The following ZNF507 variants were observed in gnomAD, a reference collection of about 807,000 sequenced individuals.
The protein encoded by ZNF507 is zinc finger protein 507.
In ZNF507, 29 loss-of-function variants were observed where a neutral mutation model predicts 80.0. The ratio of observed to expected loss-of-function variants is 0.36; its 90% CI spans 0.27 to 0.49. ZNF507 has a LOEUF of 0.49. Among genes scored for constraint, ZNF507 ranks in the 20% least tolerant of loss-of-function variants. The pLI, the probability that ZNF507 is intolerant of heterozygous loss-of-function variation, is 0.98. For synonymous variants in ZNF507, 462 were observed against 422.5 expected, an observed-to-expected ratio of 1.09 and a Z score of -1.15; for missense variants, 1,081 against 1,152.2, an observed-to-expected ratio of 0.94 and a Z score of 0.90.
At position 32,364,055 on chromosome 19, in the gene ZNF507, G is replaced by T. The variant is rs528170195; in HGVS notation, c.2360+3437G>T. ...CGCTCATAAGGCTTTGTGAAGATTA[G>T]GTGAGATTATATTTATGAAGTACCC... On this transcript the variant is annotated intron_variant, in intron 5 of 6. Transcript: ENST00000355898. Among the ~76,000 whole-genome samples the T allele has an allele frequency of 9.2e-5, 14 of 152,304 alleles. No homozygotes were observed. In the South Asian group the frequency reaches 2.3e-3, roughly 25 times the overall value.
At position 32,353,349 on chromosome 19, in the gene ZNF507, C is replaced by T. The variant is rs148132440; in HGVS notation, c.519C>T (p.His173=). The change falls in exon 3 of 7, where the codon CAC becomes CAT. Residue 173 remains histidine (H), a synonymous_variant. Coordinates refer to ENST00000355898, the MANE Select transcript of ZNF507 (RefSeq NM_001136156.2). ...TSRSQEELEA[H]VVNDHDNDAN... ...GAAGCCAGGAGGAACTTGAAGCCCACGTGGTGAATGACCATGACAATGATG... is the reference window on the plus strand; with the variant it reads ...GAAGCCAGGAGGAACTTGAAGCCCATGTGGTGAATGACCATGACAATGATG... The T allele has an allele frequency of 8.2e-5, 133 of 1,614,198 alleles. No individual in the cohort carries two copies. Among genetic ancestry groups the T allele is most frequent in the Admixed American group, 1.7e-4 (10 of 60,026 alleles).
In ZNF507 at chr19:32,352,990, A is replaced by T; in HGVS notation, c.160A>T (p.Ile54Leu). Reference protein sequence around the residue: ...LIHVIQKLSKIVENEKSQKCL... With the variant: ...LIHVIQKLSKLVENEKSQKCL... ...CCATGTTATCCAGAAGTTAAGCAAG[A>T]TAGTGGAAAATGAAAAGTCACAAAA... Residue 54 changes from isoleucine to leucine, a missense_variant, in exon 3 of 7, where the codon ATA (isoleucine) becomes TTA (leucine). By Grantham distance (5) the Ile-to-Leu change is conservative. Coordinates refer to ENST00000355898, the MANE Select transcript of ZNF507 (RefSeq NM_001136156.2). The T allele has an allele frequency of 6.2e-7, 1 of 1,614,096 alleles. No individual in the cohort carries two copies. The highest frequency in any genetic ancestry group is 1.1e-5 in the South Asian group (1 of 91,042).
chr19:32,360,656 A>G, intron 5 of ZNF507, 38 bp downstream of exon 5: 1 of 1,145,868 alleles, frequency 8.7e-7, no homozygotes, highest in Non-Finnish European at 1.2e-6. Context: ...TGTTTGTATT[A>G]AAATATTTTA....
chr19:32,359,702 C>G (rs904304877), intron 4 of ZNF507: 1 of 152,196 alleles, frequency 6.6e-6, no homozygotes, highest in Non-Finnish European at 1.5e-5. Context: ...ATGTCTCCTG[C>G]GTTTCGGAGA....
chr19:32,384,796 TTTAA>T lies in ZNF507; in HGVS notation c.*1716_*1719del, dbSNP rs992025617. On this transcript the variant is annotated 3_prime_UTR_variant, in exon 7 of 7. Coordinates refer to ENST00000355898, the MANE Select transcript of ZNF507 (RefSeq NM_001136156.2). Reference sequence around the variant, plus strand: ...TTTGCAGCTTTTTTATTTAGGTAGCTTTAATTTATTTATGAAAGTTAATCCATTT... The same window carrying T: ...TTTGCAGCTTTTTTATTTAGGTAGCTTTTATTTATGAAAGTTAATCCATTT... The T allele has an allele frequency of 4.1e-4, 61 of 150,278 alleles. No individual in the cohort carries two copies. Among genetic ancestry groups the T allele is most frequent in the Admixed American group, 8.2e-4 (12 of 14,684 alleles). The allele number at this position is 150,278 out of a possible 1,614,324, so 9.3% of individuals were successfully genotyped here.
At chr19:32,380,760 A>T in intron 5 of ZNF507, 1 of 820,958 alleles carries the variant, frequency 1.2e-6, no homozygotes, top group Non-Finnish European at 2.0e-6. Flanking sequence ...TGTTTGCCCA[A>T]ATGATGACAA....
intron 5 of ZNF507, among the ~76,000 whole-genome samples, chr19:32,361,946 C>T (rs1180573732): frequency 7.6e-6 from 1 of 132,420 alleles, no homozygotes; most frequent in Non-Finnish European, 1.6e-5. Flanking sequence ...GACAGAGTCT[C>T]GCTCTGTCAT....
In ZNF507 at chr19:32,382,965, T is replaced by G; in HGVS notation, c.2744T>G (p.Ile915Ser). ...TGCGTTTTACTCTTCTGCTGTTGTA[T>G]TTGTGGTTTTGAATCAACCAGCAAA... ...EYCVLLFCCC[I>S]CGFESTSKEN... Residue 915 changes from isoleucine to serine, a missense_variant, in exon 7 of 7, where the codon ATT (isoleucine) becomes AGT (serine). Physicochemically the swap from Ile to Ser is moderately radical, Grantham distance 142 (BLOSUM62 -2). Around this residue, in one of 6 missense-constraint regions of ZNF507, gnomAD observed 138 missense variants for 158.4 expected, o/e 0.87. Coordinates refer to ENST00000355898, the MANE Select transcript of ZNF507 (RefSeq NM_001136156.2). 6.2e-7 allele frequency: 1 copy of G among 1,614,196 alleles called. No individual in the cohort carries two copies. The highest frequency in any genetic ancestry group is 8.5e-7 in the Non-Finnish European group (1 of 1,180,032).
In ZNF507 at chr19:32,387,550, T is replaced by C. The variant is rs1489081794; in HGVS notation, c.*4467T>C. The C allele has an allele frequency of 6.6e-6, 1 of 152,204 alleles. No homozygotes were observed. The highest frequency in any genetic ancestry group is 2.4e-5 in the African/African-American group (1 of 41,452). The allele number at this position is 152,204 out of a possible 1,614,324, so 9.4% of individuals were successfully genotyped here. A position where few individuals can be genotyped will look rare whatever the true frequency, so the allele number is the denominator to read the frequency against. Reference sequence around the variant, plus strand: ...TGTGGCAGCCACTATAATATCTAAGTGTAAAATACATAGCAGTTGCAAAGA... The same window carrying C: ...TGTGGCAGCCACTATAATATCTAAGCGTAAAATACATAGCAGTTGCAAAGA... On this transcript the variant is annotated 3_prime_UTR_variant, in exon 7 of 7. Transcript: ENST00000355898.
At chr19:32,346,656 A>G (rs777746178) in intron 1 of ZNF507, among the ~76,000 whole-genome samples, 21 of 152,098 alleles carry the variant, frequency 1.4e-4, no homozygotes, top group Non-Finnish European at 2.5e-4. Flanking sequence ...GCAGTGAGCT[A>G]TTTTACTTAA....
In ZNF507 at chr19:32,354,858, C is replaced by A; in HGVS notation, c.2028C>A (p.His676Gln). The change falls in exon 3 of 7, where the codon CAC (histidine) becomes CAA (glutamine). Residue 676 changes from histidine (H) to glutamine (Q), a missense_variant. Physicochemically the swap from His to Gln is conservative, Grantham distance 24. Coordinates refer to ENST00000355898, the MANE Select transcript of ZNF507 (RefSeq NM_001136156.2). The part of the protein sequence containing the change: ...RQPYQCPICE[H>Q]IADNSKDLES... ...CTTATCAGTGTCCTATCTGCGAGCA[C>A]ATAGCGGACAACAGCAAAGATTTGG... The A allele has an allele frequency of 6.2e-7, 1 of 1,614,200 alleles. No individual in the cohort carries two copies. The highest frequency in any genetic ancestry group is 8.5e-7 in the Non-Finnish European group (1 of 1,180,036).
intron 5 of ZNF507, among the ~76,000 whole-genome samples, chr19:32,366,265 A>G (rs1346379237): frequency 6.6e-6 from 1 of 152,234 alleles, no homozygotes; most frequent in Admixed American, 6.5e-5. Flanking sequence ...TGCATAAATC[A>G]TAAAGGTACA....
intron 3 of ZNF507, among the ~76,000 whole-genome samples, chr19:32,355,790 A>G (rs1967243660): frequency 6.6e-6 from 1 of 152,108 alleles, no homozygotes; most frequent in Non-Finnish European, 1.5e-5. Flanking sequence ...TCATGAGGTC[A>G]GGAGATTGAG....
chr19:32,374,903 G>C (rs1568308964), intron 5 of ZNF507, among the ~76,000 whole-genome samples: 1 of 152,116 alleles, frequency 6.6e-6, no homozygotes, highest in African/African-American at 2.4e-5. Context: ...TGCTTCTGGT[G>C]TTTCCTAATT....
chr19:32,375,024 G>A (rs188286697), intron 5 of ZNF507, among the ~76,000 whole-genome samples: 1 of 151,944 alleles, frequency 6.6e-6, no homozygotes, highest in Non-Finnish European at 1.5e-5. Context: ...TATTGGGTTA[G>A]GTGCTATTGG....
At chr19:32,380,809 A>C (rs1231900996) in intron 5 of ZNF507, among the ~76,000 whole-genome samples, 1 of 152,110 alleles carries the variant, frequency 6.6e-6, no homozygotes, top group East Asian at 1.9e-4. Flanking sequence ...CCTTATAAAA[A>C]CCTGCGCTTG....
Position 32,354,434 on chromosome 19 carries a change from G to A in ZNF507, c.1604G>A (p.Ser535Asn), listed in dbSNP as rs1429191279. ...DPDTSQRQVD[S>N]TLAAYSKMMS... ...GATACTAGTCAAAGGCAAGTAGATA[G>A]TACATTGGCAGCGTACTCAAAAATG... The change falls in exon 3 of 7, where the codon AGT (serine) becomes AAT (asparagine). Residue 535 changes from serine (S) to asparagine (N), a missense_variant. Physicochemically the swap from Ser to Asn is conservative, Grantham distance 46. Around this residue, in one of 6 missense-constraint regions of ZNF507, gnomAD observed 614 missense variants for 583.9 expected, o/e 1.05. Transcript: ENST00000355898. 1 of 1,614,006 alleles carries A rather than the reference G, an allele frequency of 6.2e-7. No homozygotes were observed. Among genetic ancestry groups the A allele is most frequent in the African/African-American group, 1.3e-5 (1 of 74,916 alleles).
At position 32,353,372 on chromosome 19, in the gene ZNF507, A is replaced by G; in HGVS notation, c.542A>G (p.Asp181Gly). Residue 181 changes from aspartate (D) to glycine (G), a missense_variant, in exon 3 of 7, where the codon GAT becomes GGT. Physicochemically the swap from Asp to Gly is moderately conservative, Grantham distance 94. This residue lies in a region of ZNF507 where 275 missense variants were observed against 303.9 expected (regional missense o/e 0.90). Transcript: ENST00000355898. Reference sequence around the variant, plus strand: ...CACGTGGTGAATGACCATGACAATGATGCCAATATCCACACCCAATCCAAA... The same window carrying G: ...CACGTGGTGAATGACCATGACAATGGTGCCAATATCCACACCCAATCCAAA... Reference protein sequence around the residue: ...EAHVVNDHDNDANIHTQSKAQ... With the variant: ...EAHVVNDHDNGANIHTQSKAQ... 6.2e-7 allele frequency: 1 copy of G among 1,614,222 alleles called. No individual in the cohort carries two copies. The highest frequency in any genetic ancestry group is 8.5e-7 in the Non-Finnish European group (1 of 1,180,040).
chr19:32,385,424 A>G lies in ZNF507; in HGVS notation c.*2341A>G, dbSNP rs973826408. 3 of 152,218 alleles carry G rather than the reference A, an allele frequency of 2.0e-5. No homozygotes were observed. The highest frequency in any genetic ancestry group is 7.2e-5 in the African/African-American group (3 of 41,458). The allele number at this position is 152,218 out of a possible 1,614,324, so 9.4% of individuals were successfully genotyped here. ...CCCTTCCCATTATCATTTTGTGGCA[A>G]GCCTTAAGTTAACAATGTGTCTACC... is the stretch of plus-strand genomic sequence containing the variant. On this transcript the variant is annotated 3_prime_UTR_variant, in exon 7 of 7. Coordinates refer to ENST00000355898, the MANE Select transcript of ZNF507 (RefSeq NM_001136156.2).
Sources: gnomAD v4.1 joint callset for allele counts (sites outside exome capture counted in the v4.1 genomes callset) on GRCh38, gnomAD v4.1.1 for gene constraint, gnomAD v4.1.1 regional missense constraint, MANE v1.5 for transcripts, NCBI Gene and HGNC (gene_info 2026-07-23, HGNC 2026-07-21) for gene names.